Variants in FGF14 observed in about 807,000 individuals in gnomAD.
FGF14 encodes the protein fibroblast growth factor 14, also known as fibroblast growth factor homologous factor 4.
A neutral mutation model predicts 25.5 loss-of-function variants in FGF14; 5 were observed. The ratio of observed to expected loss-of-function variants is 0.20; its 90% CI spans 0.10 to 0.41. The LOEUF is 0.41. Among genes scored for constraint, FGF14 ranks in the 10% least tolerant of loss-of-function variants. The pLI is 1.00. For synonymous variants in FGF14, 138 were observed against 118.3 expected (o/e 1.17, Z -1.08); for missense variants, 222 against 320.1 (o/e 0.69, Z 2.34).
At chr13:101,914,862 C>CT (rs1226487487) in intron 1 of FGF14, among the ~76,000 whole-genome samples, 1 of 152,142 alleles carries the variant, frequency 6.6e-6, no homozygotes, top group East Asian at 1.9e-4. Context: ...AAAAGATAGT[C>CT]TGTTTGATGA....
At chr13:102,366,631 A>AG (rs2057722276) in intron 1 of FGF14, 1 of 151,330 alleles carries the variant, frequency 6.6e-6, no homozygotes, top group African/African-American at 2.4e-5. Flanking sequence ...AAAAAAAAAA[A>AG]AAAAAAAAAA....
Position 102,369,187 on chromosome 13 carries a change from C to A in FGF14, c.208+32284G>T, listed in dbSNP as rs1015191913. On this transcript the variant is annotated intron_variant, in intron 1 of 4. Transcript: ENST00000376131. ...TCCTTTGAATGTGGTTTTTCAGCCA[C>A]ATGGAAGCTCCTGACACTTTTTGGT... is the stretch of plus-strand genomic sequence containing the variant. 3.2e-4 allele frequency among the ~76,000 whole-genome samples: 48 copies of A among 152,288 alleles called. 1 individual carries two copies. Among genetic ancestry groups the A allele is most frequent in the Middle Eastern group, 3.4e-3 (1 of 294 alleles).
intron 1 of FGF14, among the ~76,000 whole-genome samples, chr13:101,927,978 G>A (rs1451205534): frequency 3.3e-5 from 5 of 152,088 alleles, no homozygotes; most frequent in Admixed American, 1.3e-4. Context: ...CCTCCGTCCC[G>A]TTTCCCTCTT....
At chr13:102,101,792 C>G (rs561973077) in intron 1 of FGF14, among the ~76,000 whole-genome samples, 1 of 152,078 alleles carries the variant, frequency 6.6e-6, no homozygotes, top group Non-Finnish European at 1.5e-5. Context: ...GCAACATCCA[C>G]CTCCCAGGTT....
intron 2 of FGF14, among the ~76,000 whole-genome samples, chr13:101,870,270 T>C (rs140331766): frequency 2.4e-3 from 361 of 152,230 alleles, no homozygotes; most frequent in African/African-American, 8.4e-3. Flanking sequence ...TGGTGGGAGA[T>C]GGCTATATTC....
chr13:102,398,729 A>G (rs933848987), intron 1 of FGF14, among the ~76,000 whole-genome samples: 2 of 151,926 alleles, frequency 1.3e-5, no homozygotes, highest in African/African-American at 2.4e-5. Flanking sequence ...TTTAGGCTTT[A>G]TGTTACTAGC....
chr13:102,316,606 G>A (rs1566932243), intron 1 of FGF14, among the ~76,000 whole-genome samples: 1 of 152,044 alleles, frequency 6.6e-6, no homozygotes, highest in Non-Finnish European at 1.5e-5. Flanking sequence ...AAATTGCCTT[G>A]AATCACTCTC....
chr13:102,058,554 T>C (rs1282497837), intron 1 of FGF14, among the ~76,000 whole-genome samples: 2 of 152,216 alleles, frequency 1.3e-5, no homozygotes, highest in African/African-American at 4.8e-5. Flanking sequence ...TATATTTGCA[T>C]TGTAGAGAGT....
intron 1 of FGF14, among the ~76,000 whole-genome samples, chr13:101,892,242 T>C (rs751998545): frequency 1.3e-5 from 2 of 152,178 alleles, no homozygotes; most frequent in Non-Finnish European, 2.9e-5. Flanking sequence ...TAAGGAAAAG[T>C]GCCTTATATT....
At chr13:102,167,701 T>C (rs895119632) in intron 1 of FGF14, among the ~76,000 whole-genome samples, 9 of 151,814 alleles carry the variant, frequency 5.9e-5, no homozygotes, top group African/African-American at 2.2e-4. Context: ...AAGAACAGTA[T>C]ACAAGTGGGA....
chr13:102,124,375 G>T (rs9518638), intron 1 of FGF14, among the ~76,000 whole-genome samples: 30,530 of 151,932 alleles, frequency 0.2, 3,259 homozygotes, highest in Middle Eastern at 0.27. Context: ...AAATAGAGAT[G>T]ATTATACTCT....
At chr13:102,103,037 A>AT (rs1473011544) in intron 1 of FGF14, among the ~76,000 whole-genome samples, 1 of 152,110 alleles carries the variant, frequency 6.6e-6, no homozygotes, top group Non-Finnish European at 1.5e-5. Context: ...CAAAAAGTCC[A>AT]TTTTTTCAGA....
chr13:102,145,828 A>G (rs1011575786), intron 1 of FGF14, among the ~76,000 whole-genome samples: 33 of 152,220 alleles, frequency 2.2e-4, no homozygotes, highest in Admixed American at 1.4e-3. Context: ...TATTTAGAGA[A>G]GTATATAAAC....
At chr13:102,353,098 A>G (rs1416078651) in intron 1 of FGF14, among the ~76,000 whole-genome samples, 1 of 152,244 alleles carries the variant, frequency 6.6e-6, no homozygotes, top group African/African-American at 2.4e-5. Flanking sequence ...CAAGGAATTG[A>G]AAACCATTAT....
intron 1 of FGF14, chr13:102,263,046 G>C: frequency 1.5e-6 from 1 of 649,796 alleles, no homozygotes; most frequent in African/African-American, 1.8e-5. Flanking sequence ...ATTCCTCATA[G>C]ACCCAGCTTG....
chr13:102,275,356 ATAT>A (rs1376284134), intron 1 of FGF14, among the ~76,000 whole-genome samples: 9 of 151,884 alleles, frequency 5.9e-5, no homozygotes, highest in African/African-American at 2.2e-4. Context: ...TATGCCAAAA[ATAT>A]TATCTAATGA....
At chr13:102,071,762 A>G (rs894525952) in intron 1 of FGF14, among the ~76,000 whole-genome samples, 3 of 152,150 alleles carry the variant, frequency 2.0e-5, no homozygotes, top group Non-Finnish European at 4.4e-5. Context: ...GTAATGATAT[A>G]GTGGCAGTTG....
At chr13:102,216,455 G>C (rs575913203) in intron 1 of FGF14, among the ~76,000 whole-genome samples, 1 of 152,178 alleles carries the variant, frequency 6.6e-6, no homozygotes, top group Non-Finnish European at 1.5e-5. Context: ...ATCACATCAC[G>C]CGGTATTCTA....
chr13:102,131,586 A>G (rs1214454758), intron 1 of FGF14, among the ~76,000 whole-genome samples: 2 of 152,298 alleles, frequency 1.3e-5, no homozygotes, highest in East Asian at 3.9e-4. Context: ...AGCCATTTCA[A>G]TAGAATAAAT....
Sources: allele counts gnomAD v4.1 joint callset (sites outside exome capture counted in the v4.1 genomes callset), GRCh38; gene constraint gnomAD v4.1.1; transcripts MANE v1.5; gene names NCBI Gene and HGNC (gene_info 2026-07-23, HGNC 2026-07-21).